Variants in LYPLAL1 observed in about 807,000 individuals in gnomAD.
LYPLAL1 encodes the protein lysophospholipase like 1.
LYPLAL1 carries 23 observed loss-of-function variants against 19.7 expected under a neutral mutation model. The ratio of observed to expected loss-of-function variants is 1.17; its 90% confidence interval spans 0.84 to 1.65. The LOEUF (loss-of-function observed/expected upper bound fraction) is 1.65. LYPLAL1 is among the 40% of genes most tolerant of loss of function. LYPLAL1 has a pLI of 0.00. For missense variants in LYPLAL1, 355 were observed against 279.4 expected (o/e 1.27, Z -1.93); for synonymous variants, 119 against 96.3 (o/e 1.24, Z -1.38).
the LYPLAL1 span, among the ~76,000 whole-genome samples, chr1:219,356,868 G>T: frequency 1.3e-5 from 2 of 152,088 alleles, no homozygotes; most frequent in Admixed American, 6.5e-5. Context: ...ACATGATTTT[G>T]CAGGAACATA....
intron 2 of LYPLAL1, among the ~76,000 whole-genome samples, chr1:219,188,393 G>C (rs1047798740): frequency 1.1e-4 from 16 of 151,748 alleles, no homozygotes; most frequent in African/African-American, 3.9e-4. Flanking sequence ...AGACCTAAAT[G>C]AACAGTCGGA....
chr1:219,330,665 A>T, the LYPLAL1 span, among the ~76,000 whole-genome samples: 1 of 152,230 alleles, frequency 6.6e-6, no homozygotes. Context: ...AATACATTCA[A>T]CAAAATAATT....
chr1:219,229,522 C>T, the LYPLAL1 span, among the ~76,000 whole-genome samples: 1 of 152,170 alleles, frequency 6.6e-6, no homozygotes, highest in Admixed American at 6.5e-5. Flanking sequence ...CCGATTCTTC[C>T]GGTAAACCAG....
chr1:219,300,758 A>G, the LYPLAL1 span, among the ~76,000 whole-genome samples: 2 of 151,658 alleles, frequency 1.3e-5, no homozygotes, highest in Admixed American at 1.3e-4. Context: ...GATGGTCTCA[A>G]TCTCCTGACC....
chr1:219,440,195 G>GA, the LYPLAL1 span, among the ~76,000 whole-genome samples: 11 of 151,020 alleles, frequency 7.3e-5, no homozygotes, highest in South Asian at 4.2e-4. Flanking sequence ...CCTACAAAAA[G>GA]AAAAAAATAT....
chr1:219,224,898 C>A, the LYPLAL1 span, among the ~76,000 whole-genome samples: 3 of 152,156 alleles, frequency 2.0e-5, no homozygotes, highest in Non-Finnish European at 2.9e-5. Context: ...TAGCCTGCTT[C>A]AGTCCTTATC....
the LYPLAL1 span, among the ~76,000 whole-genome samples, chr1:219,408,381 T>A: frequency 6.6e-6 from 1 of 152,150 alleles, no homozygotes; most frequent in South Asian, 2.1e-4. Context: ...ATTTGGATGC[T>A]GGCTGTGGGG....
At chr1:219,306,271 A>G in the LYPLAL1 span, among the ~76,000 whole-genome samples, 1 of 152,174 alleles carries the variant, frequency 6.6e-6, no homozygotes, top group South Asian at 2.1e-4. Flanking sequence ...AATAAATTTT[A>G]TAAGTAACCA....
the LYPLAL1 span, among the ~76,000 whole-genome samples, chr1:219,258,849 G>T: frequency 6.6e-6 from 1 of 152,034 alleles, no homozygotes; most frequent in South Asian, 2.1e-4. Context: ...CAGAGTGGGA[G>T]AAAATATTCA....
At chr1:219,189,117 C>T (rs1218028558) in intron 2 of LYPLAL1, among the ~76,000 whole-genome samples, 1 of 151,684 alleles carries the variant, frequency 6.6e-6, no homozygotes, top group Non-Finnish European at 1.5e-5. Context: ...GCATCTATCT[C>T]TAATTAAGGC....
chr1:219,413,568 AAAG>A, the LYPLAL1 span, among the ~76,000 whole-genome samples: 1 of 152,222 alleles, frequency 6.6e-6, no homozygotes, highest in East Asian at 1.9e-4. Context: ...GTTACCCCCC[AAAG>A]AAGGAGAATG....
At chr1:219,259,467 G>A in the LYPLAL1 span, among the ~76,000 whole-genome samples, 1 of 149,674 alleles carries the variant, frequency 6.7e-6, no homozygotes, top group Admixed American at 6.7e-5. Flanking sequence ...ACCATATAAA[G>A]GAAAGAGATA....
rs774033425 is a variant in LYPLAL1 at position 219,211,549 on chromosome 1, G to A, written c.535G>A (p.Asp179Asn). The A allele has an allele frequency of 6.8e-6, 11 of 1,613,250 alleles. No homozygotes were observed. Among genetic ancestry groups the A allele is most frequent in the Non-Finnish European group, 9.3e-6 (11 of 1,179,500 alleles). Residue 179 changes from aspartate (D) to asparagine (N), a missense_variant, in exon 5 of 5, where the codon GAT (aspartate) becomes AAT (asparagine). Asp to Asn is a conservative substitution (Grantham distance 23). Transcript: ENST00000366928. ...ATTATTTCAGTGTCATGGTACTGCA[G>A]ATGAGTTAGTTCTTCATTCTTGGGC... ...PELFQCHGTADELVLHSWAEE... is the reference protein window; with the variant it reads ...PELFQCHGTANELVLHSWAEE...
chr1:219,183,620 A>G (rs1316679628), intron 2 of LYPLAL1, among the ~76,000 whole-genome samples: 1 of 151,958 alleles, frequency 6.6e-6, no homozygotes, highest in East Asian at 1.9e-4. Context: ...TTGTTTGCAT[A>G]TCTATTACTG....
At chr1:219,186,897 A>G (rs140920331) in intron 2 of LYPLAL1, among the ~76,000 whole-genome samples, 8 of 151,828 alleles carry the variant, frequency 5.3e-5, no homozygotes, top group African/African-American at 1.4e-4. Flanking sequence ...ACTGCTTTTC[A>G]TTCCTCTGTT....
At chr1:219,174,724 G>GT (rs1378736982) in intron 1 of LYPLAL1, among the ~76,000 whole-genome samples, 2 of 152,180 alleles carry the variant, frequency 1.3e-5, no homozygotes, top group African/African-American at 4.8e-5. Context: ...GATTATGAGA[G>GT]TAAGGGCCCT....
the LYPLAL1 span, among the ~76,000 whole-genome samples, chr1:219,333,850 A>G: frequency 6.6e-6 from 1 of 151,998 alleles, no homozygotes; most frequent in African/African-American, 2.4e-5. Context: ...GTCACCAGCT[A>G]GCACCTTGTC....
In LYPLAL1 at chr1:219,178,926, A is replaced by G. The variant is rs144157328; in HGVS notation, c.92-221A>G. On this transcript the variant is annotated intron_variant, in intron 1 of 4. Transcript: ENST00000366928. ...TTAAACAAGATCTTCAGAGTAATCAATGGTGAAGCCAGGAGTAAAATAATC... is the reference window on the plus strand; with the variant it reads ...TTAAACAAGATCTTCAGAGTAATCAGTGGTGAAGCCAGGAGTAAAATAATC... Among the ~76,000 whole-genome samples, 278 of 152,316 alleles carry G rather than the reference A, an allele frequency of 1.8e-3. 1 individual carries two copies. The highest frequency in any genetic ancestry group is 3.0e-3 in the Non-Finnish European group (207 of 68,008).
At chr1:219,361,719 G>A in the LYPLAL1 span, among the ~76,000 whole-genome samples, 3 of 152,098 alleles carry the variant, frequency 2.0e-5, no homozygotes, top group African/African-American at 4.8e-5. Context: ...AACACACGAT[G>A]ACCTCCAGAA....
Sources: allele counts gnomAD v4.1 joint callset (sites outside exome capture counted in the v4.1 genomes callset), GRCh38; gene constraint gnomAD v4.1.1; transcripts MANE v1.5; gene names NCBI Gene and HGNC (gene_info 2026-07-23, HGNC 2026-07-21).